DUOX1: variants seen among roughly 807,000 people sequenced by gnomAD.
The protein encoded by DUOX1 is dual oxidase 1, also known as NADPH thyroid oxidase 1.
Under a neutral mutation model 181.8 loss-of-function variants are expected in DUOX1, and 134 were observed. That is an observed-to-expected ratio of 0.74 (90% CI 0.64 to 0.85). The LOEUF (loss-of-function observed/expected upper bound fraction) is 0.85, where lower values mean the gene tolerates loss of function less well. DUOX1 is among the 40% of genes least tolerant of loss of function. The pLI, the probability that DUOX1 is intolerant of heterozygous loss-of-function variation, is 0.00. For missense variants in DUOX1, 1,814 were observed against 2,064.4 expected (o/e 0.88, Z 2.35); for synonymous variants, 798 against 832.5 (o/e 0.96, Z 0.71).
At chr15:45,140,749 G>T in intron 12 of DUOX1, 146 bp from the exon 13 acceptor site, 1 of 725,388 alleles carries the variant, frequency 1.4e-6, no homozygotes, top group East Asian at 2.7e-5. Context: ...AGAAGTGCCT[G>T]GGGCATAATA....
chr15:45,162,031 G>T (rs915514033), intron 30 of DUOX1, 61 bp downstream of exon 30: 2 of 1,519,684 alleles, frequency 1.3e-6, no homozygotes, highest in Middle Eastern at 1.7e-4. Context: ...GCTTTGGCCC[G>T]GCAGCACTAG....
intron 2 of DUOX1, among the ~76,000 whole-genome samples, chr15:45,132,358 G>C (rs2141249183): frequency 6.6e-6 from 1 of 152,308 alleles, no homozygotes; most frequent in African/African-American, 2.4e-5. Context: ...GGAAAAGATT[G>C]ATTAGACACA....
rs141646339 is a variant in DUOX1, at chr15:45,162,276, T to C, written c.4147T>C (p.Ser1383Pro). ...GHQEWHKFEV[S>P]VLVGGGIGVT... Reference sequence around the variant, plus strand: ...CCAGGAGTGGCATAAGTTTGAGGTGTCAGTGTTAGTGGGAGGGGGCATTGG... The same window carrying C: ...CCAGGAGTGGCATAAGTTTGAGGTGCCAGTGTTAGTGGGAGGGGGCATTGG... The change falls in exon 31 of 34, where the codon TCA becomes CCA. Residue 1383 changes from serine to proline, a missense_variant. Physicochemically the swap from Ser to Pro is moderately conservative, Grantham distance 74. Coordinates refer to ENST00000389037, the MANE Select transcript of DUOX1 (RefSeq NM_175940.3). The C allele has an allele frequency of 3.6e-5, 58 of 1,613,616 alleles. No homozygotes were observed. In the African/African-American group the frequency reaches 6.9e-4, roughly 19 times the overall value.
In DUOX1 at chr15:45,134,960, G is replaced by A. The variant is rs1896249323; in HGVS notation, c.308-144G>A. 10 of 833,578 alleles carry A rather than the reference G, an allele frequency of 1.2e-5. No individual in the cohort carries two copies. In the South Asian group the frequency reaches 1.6e-4, roughly 14 times the overall value. 51.6% of individuals were successfully genotyped at this position (833,578 alleles called of 1,614,324 possible). A position where few individuals can be genotyped will look rare whatever the true frequency, so the allele number is the denominator to read the frequency against. ...AGAAGAGACAAACAACTGGGAGGGA[G>A]TGCCTAAGGTCAGGGCTTGGACTTG... On this transcript the variant is annotated intron_variant, in intron 4 of 33. Coordinates refer to ENST00000389037, the MANE Select transcript of DUOX1 (RefSeq NM_175940.3).
intron 18 of DUOX1, 32 bp downstream of exon 18, chr15:45,145,112 C>T (rs755983489): frequency 1.3e-6 from 2 of 1,545,846 alleles, no homozygotes; most frequent in Non-Finnish European, 1.7e-6. Flanking sequence ...AATCCTTATG[C>T]TGTGGTGGTG....
At chr15:45,149,489 G>A (rs1896750928) in intron 21 of DUOX1, among the ~76,000 whole-genome samples, 2 of 152,174 alleles carry the variant, frequency 1.3e-5, no homozygotes, top group Admixed American at 1.3e-4. Context: ...GATTAGCACT[G>A]AGTATTGTTT....
intron 18 of DUOX1, 141 bp from the exon 19 acceptor site, chr15:45,147,292 C>A: frequency 9.2e-7 from 1 of 1,088,156 alleles, no homozygotes; most frequent in Non-Finnish European, 1.3e-6. Flanking sequence ...ACAAACATGG[C>A]CTCAGGCACC....
chr15:45,140,827 G>C lies in DUOX1; in HGVS notation c.1390-68G>C, dbSNP rs1308999931. 3.3e-6 allele frequency: 5 copies of C among 1,512,296 alleles called. No homozygotes were observed. In the Admixed American group the frequency reaches 5.2e-5, roughly 16 times the overall value. The allele number at this position is 1,512,296 out of a possible 1,614,324, so 93.7% of individuals were successfully genotyped here. ...TATCATCCCTGGGGCTAATCCCTGG[G>C]AGCCACCTCTTTGCCTTAGGGTGGG... is the stretch of plus-strand genomic sequence containing the variant. On this transcript the variant is annotated intron_variant, in intron 12 of 33. Transcript: ENST00000389037.
Position 45,135,172 on chromosome 15 carries a change from C to T in DUOX1, c.376C>T (p.Arg126Cys). The T allele has an allele frequency of 1.3e-5, 21 of 1,613,890 alleles. No homozygotes were observed. Among genetic ancestry groups the T allele is most frequent in the Non-Finnish European group, 1.7e-5 (20 of 1,179,970 alleles). Residue 126 changes from arginine (R) to cysteine (C), a missense_variant, in exon 5 of 34, where the codon CGC becomes TGC. Arg to Cys is a radical substitution (Grantham distance 180, BLOSUM62 -3). Coordinates refer to ENST00000389037, the MANE Select transcript of DUOX1 (RefSeq NM_175940.3). ...CTGCCCCGCCGAGTTCCTCAACATTCGCATCCCGCCCGGAGACCCCATGTT... is the reference window on the plus strand; with the variant it reads ...CTGCCCCGCCGAGTTCCTCAACATTTGCATCCCGCCCGGAGACCCCATGTT... ...PGCPAEFLNI[R>C]IPPGDPMFDP...
At chr15:45,158,632 G>A (rs1897020370) in intron 28 of DUOX1, among the ~76,000 whole-genome samples, 1 of 147,018 alleles carries the variant, frequency 6.8e-6, no homozygotes, top group East Asian at 2.0e-4. Flanking sequence ...AACCAGGGAG[G>A]TGGAGGTTGC....
chr15:45,143,168 ACCTCTG>A lies in DUOX1; in HGVS notation c.1823-13_1823-8del, dbSNP rs768857376. The A allele has an allele frequency of 9.3e-6, 15 of 1,604,798 alleles. No homozygotes were observed. Among genetic ancestry groups the A allele is most frequent in the Non-Finnish European group, 8.5e-7 (1 of 1,172,286 alleles). On this transcript the variant is annotated splice_polypyrimidine_tract_variant and intron_variant, in intron 15 of 33. Transcript: ENST00000389037. Reference sequence around the variant, plus strand: ...CCCCTAGACCCCCACGTCTCCCTGAACCTCTGCCTCTGCCCTCCCAGTGAGCCTGCT... The same window carrying A: ...CCCCTAGACCCCCACGTCTCCCTGAACCTCTGCCCTCCCAGTGAGCCTGCT...
At chr15:45,139,871 A>T in intron 12 of DUOX1, 1 of 568,850 alleles carries the variant, frequency 1.8e-6, no homozygotes, top group Non-Finnish European at 3.1e-6. Flanking sequence ...TATCTTATTT[A>T]CTGTTCTCTC....
At chr15:45,145,116 G>A (rs1190376997) in intron 18 of DUOX1, 36 bp downstream of exon 18, 13 of 1,533,198 alleles carry the variant, frequency 8.5e-6, no homozygotes, top group Non-Finnish European at 1.1e-5. Context: ...CTTATGCTGT[G>A]GTGGTGTCCT....
At chr15:45,153,923 G>T (rs1030178495) in intron 26 of DUOX1, 28 bp from the exon 27 acceptor site, 6 of 1,594,156 alleles carry the variant, frequency 3.8e-6, no homozygotes, top group Non-Finnish European at 5.2e-6. Context: ...TCCTCTCAAG[G>T]TGTCTCTTTG....
In DUOX1 at chr15:45,135,109, C is replaced by T. The variant is rs142533862; in HGVS notation, c.313C>T (p.His105Tyr). 29 of 1,613,578 alleles carry T rather than the reference C, an allele frequency of 1.8e-5. No individual in the cohort carries two copies. The highest frequency in any genetic ancestry group is 8.3e-5 in the Admixed American group (5 of 59,988). ...CCCTCCTGCACTGCCCGCAGGCTAT[C>T]ACGTGCTTTCAGACCTGGTGAGCGT... ...RTVLGVFFGY[H>Y]VLSDLVSVET... The change falls in exon 5 of 34, where the codon CAC becomes TAC. Residue 105 changes from histidine to tyrosine, a missense_variant. Physicochemically the swap from His to Tyr is moderately conservative, Grantham distance 83. Transcript: ENST00000389037.
Position 45,144,901 on chromosome 15 carries a change from C to A in DUOX1, c.2143C>A (p.Leu715Met), listed in dbSNP as rs375803179. 6.2e-6 allele frequency: 10 copies of A among 1,609,272 alleles called. No individual in the cohort carries two copies. Among genetic ancestry groups the A allele is most frequent in the Non-Finnish European group, 8.5e-6 (10 of 1,178,170 alleles). Residue 715 changes from leucine to methionine, a missense_variant, in exon 18 of 34, where the codon CTG becomes ATG. Leu to Met is a conservative substitution (Grantham distance 15). Around this residue, in one of 5 missense-constraint regions of DUOX1, gnomAD observed 1,064 missense variants for 1,152.9 expected, o/e 0.92. Coordinates refer to ENST00000389037, the MANE Select transcript of DUOX1 (RefSeq NM_175940.3). ...KIPKEYDLVLLFNLEEERQAL... is the reference protein window; with the variant it reads ...KIPKEYDLVLMFNLEEERQAL... Reference sequence around the variant, plus strand: ...GCTCGGGCTGCCCCCTTAGGTGCTGCTGTTTAACTTGGAGGAAGAGCGGCA... The same window carrying A: ...GCTCGGGCTGCCCCCTTAGGTGCTGATGTTTAACTTGGAGGAAGAGCGGCA...
chr15:45,137,772 G>A (rs942682096), intron 9 of DUOX1, 152 bp from the exon 10 acceptor site: 26 of 539,516 alleles, frequency 4.8e-5, no homozygotes, highest in Non-Finnish European at 7.4e-5. Flanking sequence ...CCAAAAGTCA[G>A]ACCCTCCAGG....
intron 18 of DUOX1, among the ~76,000 whole-genome samples, chr15:45,146,845 G>A (rs1161659152): frequency 1.3e-5 from 2 of 152,192 alleles, no homozygotes; most frequent in African/African-American, 2.4e-5. Context: ...CTCTCATACT[G>A]GGGAAGCCTC....
rs752754866 is a variant in DUOX1, at chr15:45,153,976, TG to T, written c.3552del (p.Trp1184CysfsTer17). ...GTCTGAGCTCCCCCAGAAGTATTAC[TG>T]GTGGTTCTTCCAGACCGTACCAGGT... ...DGSELPQKYYWWFFQTVPGLT... is the reference protein window; with the variant it reads ...DGSELPQKYYXWFFQTVPGLT... On this transcript the variant is annotated frameshift_variant, in exon 27 of 34. Coordinates refer to ENST00000389037, the MANE Select transcript of DUOX1 (RefSeq NM_175940.3). LOFTEE classifies it high-confidence loss of function. 4 of 1,613,476 alleles carry T rather than the reference TG, an allele frequency of 2.5e-6. No individual in the cohort carries two copies. Among genetic ancestry groups the T allele is most frequent in the Non-Finnish European group, 3.4e-6 (4 of 1,179,472 alleles).
Sources: allele counts gnomAD v4.1 joint callset (sites outside exome capture counted in the v4.1 genomes callset), GRCh38; gene constraint gnomAD v4.1.1; regional missense constraint gnomAD v4.1.1; transcripts MANE v1.5; gene names NCBI Gene and HGNC (gene_info 2026-07-23, HGNC 2026-07-21).